Variants in PDE10A observed in about 807,000 individuals in gnomAD.
PDE10A encodes phosphodiesterase 10A, also known as cAMP and cAMP-inhibited cGMP 3',5'-cyclic phosphodiesterase 10A.
A neutral mutation model predicts 97.7 loss-of-function variants in PDE10A; 39 were observed. The ratio of observed to expected loss-of-function variants is 0.40; its 90% CI spans 0.31 to 0.52. The LOEUF is 0.52. Ranked by LOEUF, PDE10A falls within the 20% of genes least tolerant of loss-of-function variation. The pLI is 0.56. For synonymous variants in PDE10A, 371 were observed against 376.8 expected, an observed-to-expected ratio of 0.98 and a Z score of 0.18; for missense variants, 731 against 1,047.8, an observed-to-expected ratio of 0.70 and a Z score of 4.17.
At chr6:165,672,177 G>A (rs954897224) in intron 1 of PDE10A, among the ~76,000 whole-genome samples, 13 of 152,216 alleles carry the variant, frequency 8.5e-5, no homozygotes, top group Admixed American at 3.3e-4. Context: ...CATTAATTAC[G>A]TAAAGGTATG....
At chr6:165,984,811 G>A (rs529331467) in intron 1 of PDE10A, among the ~76,000 whole-genome samples, 1 of 152,318 alleles carries the variant, frequency 6.6e-6, no homozygotes, top group South Asian at 2.1e-4. Context: ...CCCTTTTGAG[G>A]TAAGCGGTGG....
At chr6:165,705,298 C>T (rs1473364970) in intron 1 of PDE10A, among the ~76,000 whole-genome samples, 1 of 152,242 alleles carries the variant, frequency 6.6e-6, no homozygotes, top group East Asian at 1.9e-4. Context: ...AGCCTTCCAG[C>T]GTGGCCTTCA....
At chr6:165,864,272 A>T (rs920933542) in intron 1 of PDE10A, among the ~76,000 whole-genome samples, 2 of 152,236 alleles carry the variant, frequency 1.3e-5, no homozygotes, top group African/African-American at 4.8e-5. Context: ...GAAGACTTTG[A>T]AGAAAAATTA....
intron 14 of PDE10A, among the ~76,000 whole-genome samples, chr6:165,395,924 T>C (rs1206438467): frequency 1.3e-5 from 2 of 152,042 alleles, no homozygotes; most frequent in Non-Finnish European, 2.9e-5. Context: ...AGTATGAGAG[T>C]CAAACTATGA....
chr6:165,953,085 C>A (rs7751441), intron 1 of PDE10A, among the ~76,000 whole-genome samples: 22,643 of 152,114 alleles, frequency 0.15, 2,305 homozygotes, highest in African/African-American at 0.29. Context: ...TGAAGCTAAT[C>A]AACTTCTCGG....
chr6:165,846,057 G>A (rs999096790), intron 1 of PDE10A, among the ~76,000 whole-genome samples: 2 of 152,224 alleles, frequency 1.3e-5, no homozygotes, highest in Non-Finnish European at 1.5e-5. Flanking sequence ...TTTACAGAAT[G>A]CATGACAGCC....
At chr6:165,973,217 G>A (rs1393194086) in intron 1 of PDE10A, among the ~76,000 whole-genome samples, 2 of 152,090 alleles carry the variant, frequency 1.3e-5, no homozygotes, top group African/African-American at 4.8e-5. Flanking sequence ...TCAGGAGTTC[G>A]AGACCAGCCT....
intron 1 of PDE10A, among the ~76,000 whole-genome samples, chr6:165,923,820 G>T (rs1429137728): frequency 2.6e-5 from 4 of 151,790 alleles, no homozygotes; most frequent in African/African-American, 9.7e-5. Flanking sequence ...GGACATTTGT[G>T]CCAATTCATT....
At chr6:165,603,653 TG>T (rs1209193916) in intron 1 of PDE10A, among the ~76,000 whole-genome samples, 1 of 152,236 alleles carries the variant, frequency 6.6e-6, no homozygotes, top group African/African-American at 2.4e-5. Context: ...GTGAGGACTC[TG>T]GGGAGGGCCC....
At chr6:165,667,869 C>G (rs1273335603), upstream of PDE10A, among the ~76,000 whole-genome samples, 1 of 152,092 alleles carries the variant, frequency 6.6e-6, no homozygotes, top group Non-Finnish European at 1.5e-5. Context: ...AATATTAACT[C>G]TATTATATAA....
At chr6:165,537,602 T>G (rs947549840) in intron 2 of PDE10A, among the ~76,000 whole-genome samples, 17 of 151,940 alleles carry the variant, frequency 1.1e-4, no homozygotes, top group African/African-American at 4.1e-4. Flanking sequence ...CAAAGATCCA[T>G]CTTTATGATA....
intron 3 of PDE10A, among the ~76,000 whole-genome samples, chr6:165,479,536 C>T (rs1779482813): frequency 6.6e-6 from 1 of 152,170 alleles, no homozygotes; most frequent in Non-Finnish European, 1.5e-5. Context: ...CCAATAAGCA[C>T]CCTCTGAACC....
At position 165,947,525 on chromosome 6, in the gene PDE10A, G is replaced by C. The variant is rs139373394; in HGVS notation, c.-615+40004C>G. On this transcript the variant is annotated intron_variant, in intron 1 of 19. Transcript: ENST00000366882. ...AGAGCTTTCTCTCACCAACTCAGCT[G>C]TCTCATTATCCCCAGTGCAGTTCAT... is the stretch of plus-strand genomic sequence containing the variant. 4.6e-3 allele frequency among the ~76,000 whole-genome samples: 694 copies of C among 152,214 alleles called. 7 individuals are homozygous for C. The highest frequency in any genetic ancestry group is 0.016 in the African/African-American group (645 of 41,518).
chr6:165,420,955 C>T (rs1234862601), intron 10 of PDE10A, among the ~76,000 whole-genome samples: 1 of 152,070 alleles, frequency 6.6e-6, no homozygotes, highest in Non-Finnish European at 1.5e-5. Flanking sequence ...CACAGATTTA[C>T]TTTTGAAACA....
intron 1 of PDE10A, among the ~76,000 whole-genome samples, chr6:165,953,300 T>C (rs56810654): frequency 0.13 from 20,509 of 152,194 alleles, 1,740 homozygotes; most frequent in African/African-American, 0.23. Context: ...ATATTTATTA[T>C]AAAAATTTGG....
intron 1 of PDE10A, among the ~76,000 whole-genome samples, chr6:165,884,440 A>G (rs1781574429): frequency 6.6e-6 from 1 of 152,222 alleles, no homozygotes; most frequent in South Asian, 2.1e-4. Context: ...TGCCTGGGAC[A>G]CAGACAGTTC....
rs890695339 is a variant in PDE10A at position 165,485,340 on chromosome 6, T to C, written c.995-2997A>G. 3.3e-5 allele frequency among the ~76,000 whole-genome samples: 5 copies of C among 151,870 alleles called. No individual in the cohort carries two copies. In the Middle Eastern group the frequency reaches 0.01, roughly 310 times the overall value. On this transcript the variant is annotated intron_variant, in intron 2 of 21. Transcript: ENST00000539869. Reference sequence around the variant, plus strand: ...AAAATTAGCCGGGCATGGTGGTACATGCCTGTAATCCCAGCTACTCTGGAG... The same window carrying C: ...AAAATTAGCCGGGCATGGTGGTACACGCCTGTAATCCCAGCTACTCTGGAG...
chr6:165,546,979 T>A (rs1298907240), intron 1 of PDE10A, among the ~76,000 whole-genome samples: 1 of 152,088 alleles, frequency 6.6e-6, no homozygotes, highest in Non-Finnish European at 1.5e-5. Flanking sequence ...TGGTTGCTAG[T>A]ATCAGTGTAC....
intron 1 of PDE10A, among the ~76,000 whole-genome samples, chr6:165,914,917 AG>A (rs2128487086): frequency 6.6e-6 from 1 of 152,368 alleles, no homozygotes; most frequent in South Asian, 2.1e-4. Context: ...TTTGAATGGC[AG>A]ATACAGTACA....
Sources: allele counts gnomAD v4.1 joint callset (sites outside exome capture counted in the v4.1 genomes callset), GRCh38; gene constraint gnomAD v4.1.1; transcripts MANE v1.5; gene names NCBI Gene and HGNC (gene_info 2026-07-23, HGNC 2026-07-21).